SELENOF: variants seen among roughly 807,000 people sequenced by gnomAD.
The protein encoded by SELENOF is selenoprotein F.
SELENOF carries 16 observed loss-of-function variants against 20.5 expected under a neutral mutation model. The observed-to-expected ratio is 0.78, with a 90% CI of 0.53 to 1.19. The LOEUF is 1.19. Ranked by LOEUF, SELENOF falls within the 50% of genes most tolerant of loss-of-function variation. SELENOF has a pLI of 0.00. For missense variants in SELENOF, 215 were observed against 194.2 expected (o/e 1.11, Z -0.64); for synonymous variants, 78 against 74.5 (o/e 1.05, Z -0.24).
chr1:86,904,010 A>AT (rs1029827746), intron 1 of SELENOF, among the ~76,000 whole-genome samples: 1 of 152,238 alleles, frequency 6.6e-6, no homozygotes, highest in African/African-American at 2.4e-5. Context: ...GAAAAGGCAT[A>AT]TCATTGTTCA....
chr1:86,886,433 C>CTTT (rs10633486), intron 2 of SELENOF, among the ~76,000 whole-genome samples: 19 of 146,204 alleles, frequency 1.3e-4, no homozygotes, highest in Admixed American at 2.7e-4. Flanking sequence ...TGTTACAGTA[C>CTTT]TTTTTTTTTT....
intron 2 of SELENOF, among the ~76,000 whole-genome samples, chr1:86,894,167 G>T (rs932174149): frequency 1.4e-5 from 2 of 146,120 alleles, no homozygotes; most frequent in Non-Finnish European, 3.0e-5. Flanking sequence ...TCTCAACCTG[G>T]AGGTTTTTTT....
upstream of SELENOF, chr1:86,914,191 T>C: frequency 8.0e-7 from 1 of 1,251,896 alleles, no homozygotes; most frequent in Non-Finnish European, 1.2e-6. Flanking sequence ...AACAGAACGC[T>C]AACGGCCGTT....
chr1:86,892,215 G>C (rs992031049), intron 2 of SELENOF, among the ~76,000 whole-genome samples: 8 of 152,100 alleles, frequency 5.3e-5, no homozygotes, highest in Non-Finnish European at 1.0e-4. Context: ...TGGGATTACA[G>C]GTGTGAGCCA....
In SELENOF at chr1:86,894,795, C is replaced by T. The variant is rs533539396; in HGVS notation, c.252+8486G>A. ...GAGGCTGCTGTGAGCTATGACTGCA[C>T]CACTACATTCTAGCTTGGGTGACAG... On this transcript the variant is annotated intron_variant, in intron 2 of 4. Coordinates refer to ENST00000331835, the MANE Select transcript of SELENOF (RefSeq NM_004261.5). 3.9e-5 allele frequency among the ~76,000 whole-genome samples: 6 copies of T among 152,268 alleles called. No homozygotes were observed. In the South Asian group the frequency reaches 1.0e-3, roughly 26 times the overall value.
intron 2 of SELENOF, among the ~76,000 whole-genome samples, chr1:86,894,109 G>T (rs1570396316): frequency 1.3e-5 from 2 of 151,390 alleles, no homozygotes; most frequent in East Asian, 3.9e-4. Flanking sequence ...GCTTCTACTG[G>T]TATTTTGTGA....
chr1:86,896,984 C>T (rs1483073835), intron 2 of SELENOF, among the ~76,000 whole-genome samples: 4 of 151,308 alleles, frequency 2.6e-5, no homozygotes, highest in Non-Finnish European at 4.4e-5. Context: ...GTGCTAAAGG[C>T]TGGAGATTCA....
intron 1 of SELENOF, among the ~76,000 whole-genome samples, chr1:86,904,347 C>T (rs1300726408): frequency 6.6e-6 from 1 of 152,186 alleles, no homozygotes; most frequent in Non-Finnish European, 1.5e-5. Context: ...ATACTTCCTA[C>T]ATAAAACAGA....
chr1:86,869,024 A>T (rs997486122), intron 3 of SELENOF, among the ~76,000 whole-genome samples: 1 of 152,228 alleles, frequency 6.6e-6, no homozygotes. Context: ...TTCACATATA[A>T]TTGAAGAAAT....
chr1:86,894,440 G>T (rs796458856), intron 2 of SELENOF, among the ~76,000 whole-genome samples: 2 of 151,898 alleles, frequency 1.3e-5, no homozygotes, highest in Non-Finnish European at 2.9e-5. Context: ...CTCCTGATCT[G>T]TCATCTGAAT....
At chr1:86,903,128 T>A (rs1289771680) in intron 2 of SELENOF, among the ~76,000 whole-genome samples, 153 bp downstream of exon 2, 1 of 152,198 alleles carries the variant, frequency 6.6e-6, no homozygotes, top group Non-Finnish European at 1.5e-5. Context: ...TTGCTTTGAT[T>A]GAACTAATAG....
At chr1:86,883,233 G>A (rs531572844) in intron 2 of SELENOF, among the ~76,000 whole-genome samples, 2 of 152,152 alleles carry the variant, frequency 1.3e-5, no homozygotes, top group African/African-American at 2.4e-5. Context: ...AAGGACAAAT[G>A]TTTAAATGAG....
intron 2 of SELENOF, among the ~76,000 whole-genome samples, chr1:86,882,162 G>A (rs1044037565): frequency 6.6e-6 from 1 of 150,478 alleles, no homozygotes; most frequent in Non-Finnish European, 1.5e-5. Context: ...AACCCAGGAG[G>A]CGGAGGTTGC....
chr1:86,909,400 G>C (rs139252972), intron 1 of SELENOF, among the ~76,000 whole-genome samples: 1 of 152,258 alleles, frequency 6.6e-6, no homozygotes, highest in East Asian at 1.9e-4. Flanking sequence ...TCTTTTCTGA[G>C]TCATTTTTGT....
intron 3 of SELENOF, among the ~76,000 whole-genome samples, chr1:86,878,546 G>C (rs1340358016): frequency 6.6e-6 from 1 of 152,230 alleles, no homozygotes; most frequent in African/African-American, 2.4e-5. Context: ...GCTGGGTGTG[G>C]TGGCGTGCGC....
chr1:86,865,094 T>A lies in SELENOF; in HGVS notation c.367-1489A>T, dbSNP rs550452939. Among the ~76,000 whole-genome samples, 10 of 152,222 alleles carry A rather than the reference T, an allele frequency of 6.6e-5. No homozygotes were observed. In the East Asian group the frequency reaches 1.9e-3, roughly 29 times the overall value. ...AGTTGTAAAAATCCTCAACAAAATA[T>A]TAGCAGTCAAATCCAGCAATGTGTA... On this transcript the variant is annotated intron_variant, in intron 4 of 4. Coordinates refer to ENST00000331835, the MANE Select transcript of SELENOF (RefSeq NM_004261.5).
At chr1:86,869,105 C>T (rs1012848055) in intron 3 of SELENOF, among the ~76,000 whole-genome samples, 1 of 152,150 alleles carries the variant, frequency 6.6e-6, no homozygotes, top group Admixed American at 6.5e-5. Flanking sequence ...AGAGAGGGAA[C>T]AGGGACAGGG....
At chr1:86,869,967 G>T (rs1177869718) in intron 3 of SELENOF, among the ~76,000 whole-genome samples, 2 of 152,062 alleles carry the variant, frequency 1.3e-5, no homozygotes, top group African/African-American at 4.8e-5. Flanking sequence ...TAGAGATGGG[G>T]TTTCACCATG....
chr1:86,880,355 C>T (rs1315170197), intron 3 of SELENOF, among the ~76,000 whole-genome samples: 4 of 152,168 alleles, frequency 2.6e-5, no homozygotes, highest in Admixed American at 6.5e-5. Flanking sequence ...AGGCTGGTCT[C>T]GAACTCCTGA....
Sources: allele counts gnomAD v4.1 joint callset (sites outside exome capture counted in the v4.1 genomes callset), GRCh38; gene constraint gnomAD v4.1.1; transcripts MANE v1.5; gene names NCBI Gene and HGNC (gene_info 2026-07-23, HGNC 2026-07-21).